The following VGLL4 variants were observed in gnomAD, a reference collection of about 807,000 sequenced individuals.
VGLL4 encodes vestigial like family member 4.
Under a neutral mutation model 21.0 loss-of-function variants are expected in VGLL4, and 7 were observed. The ratio of observed to expected loss-of-function variants is 0.33; its 90% confidence interval spans 0.19 to 0.63. The LOEUF (loss-of-function observed/expected upper bound fraction) is 0.63, where lower values mean the gene tolerates loss of function less well. VGLL4 is among the 20% of genes least tolerant of loss of function. The probability of loss-of-function intolerance (pLI) is 0.78; values close to 1 mark genes in which losing one functional copy is unlikely to be tolerated. For synonymous variants in VGLL4, 222 were observed against 173.2 expected (o/e 1.28, Z -2.21); for missense variants, 394 against 425.7 (o/e 0.93, Z 0.66).
chr3:11,573,284 AAAGAAAGAAAGAAAGAAAGAAAGGAAGG>A (rs2125182418), intron 2 of VGLL4, among the ~76,000 whole-genome samples: 2 of 11,334 alleles, frequency 1.8e-4, no homozygotes, highest in African/African-American at 9.5e-4. Context: ...AGAAAGAAAG[AAAGAAAGAAAGAAAGAAAGAAAGGAAGG>A]AAGGAAGAAA....
rs116797022 is a variant in VGLL4, at chr3:11,591,144, G to A, written c.272+10689C>T. On this transcript the variant is annotated intron_variant, in intron 2 of 4. Coordinates refer to ENST00000430365, the MANE Select transcript of VGLL4 (RefSeq NM_001128219.3). ...CCAAAAAGCACACTCAGAGGATCAG[G>A]AAAACAGCAGAATCCTGGGTTGTTT... Among the ~76,000 whole-genome samples, 421 of 152,300 alleles carry A rather than the reference G, an allele frequency of 2.8e-3. 1 individual carries two copies. The highest frequency in any genetic ancestry group is 3.0e-3 in the Non-Finnish European group (203 of 68,016).
chr3:11,601,705 T>C, intron 2 of VGLL4, 128 bp downstream of exon 2: 2 of 1,188,162 alleles, frequency 1.7e-6, no homozygotes, highest in Non-Finnish European at 2.4e-6. Context: ...ACTATTTTTC[T>C]TTTGTAAATA....
chr3:11,603,857 G>C (rs182967101), intron 1 of VGLL4, among the ~76,000 whole-genome samples: 5 of 152,312 alleles, frequency 3.3e-5, no homozygotes, highest in Admixed American at 3.3e-4. Context: ...TCCAAAAAAG[G>C]AGCCGTCACT....
upstream of VGLL4, among the ~76,000 whole-genome samples, chr3:11,648,699 A>T (rs1260616584): frequency 6.6e-6 from 1 of 152,236 alleles, no homozygotes; most frequent in Non-Finnish European, 1.5e-5. Flanking sequence ...AGAAAGAACA[A>T]AGGAAAAAAT....
At chr3:11,561,672 C>A (rs570023909) in intron 3 of VGLL4, among the ~76,000 whole-genome samples, 2 of 152,256 alleles carry the variant, frequency 1.3e-5, no homozygotes, top group South Asian at 4.1e-4. Context: ...TCCCCTCCCC[C>A]ACACCCTTAT....
intron 1 of VGLL4, among the ~76,000 whole-genome samples, chr3:11,716,205 G>A (rs980348181): frequency 6.6e-6 from 1 of 151,640 alleles, no homozygotes; most frequent in Admixed American, 6.6e-5. Context: ...GGGAGGCTGA[G>A]GCAGGAGAAT....
chr3:11,606,981 G>T (rs966093676), intron 1 of VGLL4, among the ~76,000 whole-genome samples: 1 of 152,146 alleles, frequency 6.6e-6, no homozygotes, highest in Non-Finnish European at 1.5e-5. Context: ...GAACCCACCA[G>T]AAGGAACCAA....
intron 1 of VGLL4, among the ~76,000 whole-genome samples, chr3:11,617,977 G>A (rs1252280795): frequency 6.6e-6 from 1 of 152,198 alleles, no homozygotes; most frequent in African/African-American, 2.4e-5. Flanking sequence ...ACTGTTTGAT[G>A]GCAGGGGTTG....
At chr3:11,570,078 C>T (rs1411257176) in intron 2 of VGLL4, among the ~76,000 whole-genome samples, 2 of 152,094 alleles carry the variant, frequency 1.3e-5, no homozygotes, top group Non-Finnish European at 2.9e-5. Context: ...TACCTGCTGC[C>T]CCCTGGGGTT....
Position 11,558,805 on chromosome 3 carries a change from C to T in VGLL4, c.642G>A (p.Val214=). 1 of 1,613,186 alleles carries T rather than the reference C, an allele frequency of 6.2e-7. No homozygotes were observed. Among genetic ancestry groups the T allele is most frequent in the Middle Eastern group, 1.7e-4 (1 of 5,810 alleles). The change falls in exon 5 of 5, where the codon GTG becomes GTA. Residue 214 remains valine (V), a synonymous_variant. Coordinates refer to ENST00000430365, the MANE Select transcript of VGLL4 (RefSeq NM_001128219.3). ...PPSAATTCDP[V]VEEHFRRSLG... ...GGCTCCTGCGGAAATGCTCCTCCACCACGGGGTCACAGGTGGTGGCAGCTG... is the reference window on the plus strand; with the variant it reads ...GGCTCCTGCGGAAATGCTCCTCCACTACGGGGTCACAGGTGGTGGCAGCTG...
chr3:11,558,691 A>G lies in VGLL4; in HGVS notation c.756T>C (p.Gly252=), dbSNP rs1212910946. The G allele has an allele frequency of 3.7e-6, 6 of 1,613,788 alleles. No individual in the cohort carries two copies. The highest frequency in any genetic ancestry group is 5.1e-6 in the Non-Finnish European group (6 of 1,180,018). The change falls in exon 5 of 5, where the codon GGT becomes GGC. Residue 252 remains glycine, a synonymous_variant. Coordinates refer to ENST00000430365, the MANE Select transcript of VGLL4 (RefSeq NM_001128219.3). ...SVDDHFAKAL[G]DTWLQIKAAK... is the part of the protein sequence containing the mutation. ...CCGCTTTGATCTGGAGCCACGTGTC[A>G]CCCAGAGCTTTGGCAAAGTGGTCGT...
At chr3:11,676,969 G>A (rs561529726) in intron 2 of VGLL4, among the ~76,000 whole-genome samples, 8 of 152,206 alleles carry the variant, frequency 5.3e-5, no homozygotes, top group East Asian at 3.9e-4. Context: ...AAAGTCATGC[G>A]TAATTCTACC....
intron 2 of VGLL4, among the ~76,000 whole-genome samples, chr3:11,667,371 T>A (rs1285654560): frequency 1.3e-5 from 2 of 152,276 alleles, no homozygotes; most frequent in Non-Finnish European, 2.9e-5. Context: ...ACATGTTATC[T>A]GTTTAACCTC....
At chr3:11,708,320 G>A (rs545030413) in intron 1 of VGLL4, among the ~76,000 whole-genome samples, 5 of 152,344 alleles carry the variant, frequency 3.3e-5, no homozygotes, top group African/African-American at 4.8e-5. Flanking sequence ...GGAAGATTTC[G>A]CTGAAGAGAA....
intron 1 of VGLL4, among the ~76,000 whole-genome samples, chr3:11,713,090 C>T (rs112901854): frequency 6.6e-6 from 1 of 152,076 alleles, no homozygotes; most frequent in African/African-American, 2.4e-5. Context: ...TTGAGATCCA[C>T]GAACAGGTAC....
chr3:11,566,276 A>C (rs1047758660), intron 2 of VGLL4, among the ~76,000 whole-genome samples: 4 of 152,222 alleles, frequency 2.6e-5, no homozygotes, highest in Admixed American at 6.5e-5. Context: ...AAAACTGTAG[A>C]TTAACTTCAG....
chr3:11,628,929 T>C (rs1311171209), intron 1 of VGLL4, among the ~76,000 whole-genome samples: 4 of 152,238 alleles, frequency 2.6e-5, no homozygotes. Flanking sequence ...GAAAGCATGC[T>C]GATTAGCATG....
intron 2 of VGLL4, among the ~76,000 whole-genome samples, chr3:11,592,509 A>G (rs2074524187): frequency 6.6e-6 from 1 of 152,002 alleles, no homozygotes; most frequent in Non-Finnish European, 1.5e-5. Context: ...ACTTCCCTCC[A>G]TCCTCCTTTG....
rs66801720 is a variant in VGLL4 at position 11,704,401 on chromosome 3, A to G, written c.-13-1354T>C. The stretch of plus-strand genomic sequence containing the variant: ...TCCGTCTCAAAAAAAAAAAAAAAAA[A>G]AAAAGAAAAAAAGAAAAGAAAAGAA... On this transcript the variant is annotated intron_variant, in intron 1 of 5. Transcript: ENST00000273038. Among the ~76,000 whole-genome samples the G allele has an allele frequency of 9.0e-3, 1,282 of 142,782 alleles. 18 individuals carry two copies. The highest frequency in any genetic ancestry group is 0.016 in the Non-Finnish European group (1,048 of 65,150). 93.7% of individuals were successfully genotyped at this position (142,782 alleles called of 152,430 possible).
Sources: gnomAD v4.1 joint callset for allele counts (sites outside exome capture counted in the v4.1 genomes callset) on GRCh38, gnomAD v4.1.1 for gene constraint, MANE v1.5 for transcripts, NCBI Gene and HGNC (gene_info 2026-07-23, HGNC 2026-07-21) for gene names.